The following RNF144A variants were observed in gnomAD, a reference collection of about 807,000 sequenced individuals.
The protein encoded by RNF144A is ring finger protein 144A, also known as E3 ubiquitin-protein ligase RNF144A.
Under a neutral mutation model 38.7 loss-of-function variants are expected in RNF144A, and 11 were observed. That is an observed-to-expected ratio of 0.28 (90% CI 0.18 to 0.47). The LOEUF is 0.47. Ranked by LOEUF, RNF144A falls within the 20% of genes least tolerant of loss-of-function variation. The pLI, the probability that RNF144A is intolerant of heterozygous loss-of-function variation, is 0.99. For missense variants in RNF144A, 316 were observed against 377.2 expected (o/e 0.84, Z 1.34); for synonymous variants, 149 against 143.9 (o/e 1.04, Z -0.25).
At chr2:6,964,987 AAG>A (rs1490104323) in intron 2 of RNF144A, among the ~76,000 whole-genome samples, 1 of 152,136 alleles carries the variant, frequency 6.6e-6, no homozygotes, top group South Asian at 2.1e-4. Flanking sequence ...AAATAAAAAA[AAG>A]AGGGAGCATG....
chr2:6,966,904 C>T (rs571983258), intron 2 of RNF144A, among the ~76,000 whole-genome samples: 2 of 152,278 alleles, frequency 1.3e-5, no homozygotes, highest in South Asian at 2.1e-4. Flanking sequence ...CACTTCCACC[C>T]GGAAGCCCTC....
rs997694805 is a variant in RNF144A at position 6,923,810 on chromosome 2, T to C, written c.-212+6188T>C. ...TCCATAGCAACTTTATTTTTTTTTT[T>C]CAGAACCTGTAGTTGCGTTTAAAAC... On this transcript the variant is annotated intron_variant, in intron 1 of 8. Coordinates refer to ENST00000320892, the MANE Select transcript of RNF144A (RefSeq NM_014746.6). Among the ~76,000 whole-genome samples the C allele has an allele frequency of 4.6e-5, 7 of 152,168 alleles. No individual in the cohort carries two copies. The East Asian group carries it at 1.2e-3, about 25-fold the overall frequency.
intron 6 of RNF144A, chr2:7,062,965 A>G (rs1465001915): frequency 6.6e-6 from 1 of 152,230 alleles, no homozygotes; most frequent in East Asian, 1.9e-4. Context: ...TTTATTAGAA[A>G]TATTTTTGAC....
chr2:6,980,791 C>T (rs1668581906), intron 2 of RNF144A, among the ~76,000 whole-genome samples: 1 of 152,238 alleles, frequency 6.6e-6, no homozygotes, highest in African/African-American at 2.4e-5. Context: ...CTAATCCCAC[C>T]TTTCCCTTCC....
At chr2:6,968,801 G>A (rs1236830893) in intron 2 of RNF144A, among the ~76,000 whole-genome samples, 1 of 152,168 alleles carries the variant, frequency 6.6e-6, no homozygotes, top group Admixed American at 6.5e-5. Flanking sequence ...GTGTCTCTTG[G>A]CATCATCCTC....
intron 1 of RNF144A, among the ~76,000 whole-genome samples, chr2:6,930,250 A>G (rs1665117870): frequency 6.6e-6 from 1 of 152,222 alleles, no homozygotes; most frequent in Non-Finnish European, 1.5e-5. Flanking sequence ...AAATGTTTAT[A>G]TTATTAAGTG....
chr2:6,987,579 G>A (rs1305852151), intron 2 of RNF144A, among the ~76,000 whole-genome samples: 1 of 152,216 alleles, frequency 6.6e-6, no homozygotes, highest in Admixed American at 6.5e-5. Flanking sequence ...TATGGATGCT[G>A]TCCTCTGCAG....
intron 6 of RNF144A, among the ~76,000 whole-genome samples, chr2:7,023,578 A>ATT (rs1276400511): frequency 1.3e-5 from 2 of 152,328 alleles, no homozygotes; most frequent in East Asian, 3.9e-4. Context: ...TTTTCTGAAT[A>ATT]TTCTTACCCA....
At chr2:6,932,754 T>G (rs1171420388) in intron 1 of RNF144A, among the ~76,000 whole-genome samples, 1 of 152,202 alleles carries the variant, frequency 6.6e-6, no homozygotes, top group Non-Finnish European at 1.5e-5. Context: ...GCCAAATGCC[T>G]TTTATCACAA....
At chr2:7,054,186 G>T (rs1191213563) in intron 6 of RNF144A, among the ~76,000 whole-genome samples, 1 of 152,162 alleles carries the variant, frequency 6.6e-6, no homozygotes, top group Non-Finnish European at 1.5e-5. Context: ...TGAGAAAGCA[G>T]CTGATGAGAG....
At chr2:6,973,174 G>A (rs1234536392) in intron 2 of RNF144A, among the ~76,000 whole-genome samples, 1 of 152,194 alleles carries the variant, frequency 6.6e-6, no homozygotes, top group Non-Finnish European at 1.5e-5. Context: ...GTTAAGTGTT[G>A]GCGATTTGCC....
intron 2 of RNF144A, among the ~76,000 whole-genome samples, chr2:6,951,865 C>T (rs1390636844): frequency 1.3e-5 from 2 of 152,150 alleles, no homozygotes; most frequent in East Asian, 3.9e-4. Flanking sequence ...AATGAAATTA[C>T]TGTTTATTCA....
chr2:6,929,001 T>C (rs1665052937), intron 1 of RNF144A, among the ~76,000 whole-genome samples: 1 of 152,142 alleles, frequency 6.6e-6, no homozygotes, highest in South Asian at 2.1e-4. Flanking sequence ...ATTTGCTCCC[T>C]AGACACAGCA....
At chr2:7,014,602 G>A (rs772782507) in intron 4 of RNF144A, 44 bp downstream of exon 4, 27 of 1,524,308 alleles carry the variant, frequency 1.8e-5, no homozygotes, top group Admixed American at 1.5e-4. Context: ...GTGCACAGGC[G>A]TGCACTGCTG....
chr2:7,018,540 C>G (rs1356923980), intron 5 of RNF144A, among the ~76,000 whole-genome samples: 5 of 152,224 alleles, frequency 3.3e-5, no homozygotes, highest in Admixed American at 1.3e-4. Context: ...GCACCCCCTC[C>G]TTGCTTTGCT....
intron 3 of RNF144A, among the ~76,000 whole-genome samples, chr2:7,003,740 A>G (rs1232272330): frequency 6.6e-6 from 1 of 152,248 alleles, no homozygotes; most frequent in Non-Finnish European, 1.5e-5. Context: ...GACTAGCTGT[A>G]TGTGAGCAAA....
chr2:7,035,332 T>G (rs1672598118), intron 8 of RNF144A, among the ~76,000 whole-genome samples: 1 of 152,226 alleles, frequency 6.6e-6, no homozygotes, highest in Admixed American at 6.5e-5. Context: ...CAGGGAGACA[T>G]GTACCAGTGT....
intron 2 of RNF144A, among the ~76,000 whole-genome samples, chr2:6,942,634 G>T (rs1335436902): frequency 6.6e-6 from 1 of 152,178 alleles, no homozygotes; most frequent in African/African-American, 2.4e-5. Flanking sequence ...TAACTAGGTG[G>T]AATTGTCACC....
chr2:6,994,393 TA>T lies in RNF144A; in HGVS notation c.-11-2516del, dbSNP rs751606831. Among the ~76,000 whole-genome samples, 9 of 152,046 alleles carry T rather than the reference TA, an allele frequency of 5.9e-5. No individual in the cohort carries two copies. In the East Asian group the frequency reaches 9.7e-4, roughly 16 times the overall value. On this transcript the variant is annotated intron_variant, in intron 2 of 8. Transcript: ENST00000320892. ...CCAGTGAACTTTAAGAGATGCTACT[TA>T]AAAAAATTATTAAGTATTAAAGCAG... is the stretch of plus-strand genomic sequence containing the variant.
Sources: allele counts gnomAD v4.1 joint callset (sites outside exome capture counted in the v4.1 genomes callset), GRCh38; gene constraint gnomAD v4.1.1; transcripts MANE v1.5; gene names NCBI Gene and HGNC (gene_info 2026-07-23, HGNC 2026-07-21).